FBN2: variants seen among roughly 807,000 people sequenced by gnomAD.
FBN2 encodes fibrillin-2.
FBN2 carries 105 observed loss-of-function variants against 355.6 expected under a neutral mutation model. That is an observed-to-expected ratio of 0.30 (90% CI 0.25 to 0.35). FBN2 has a LOEUF of 0.35. Among genes scored for constraint, FBN2 ranks in the 10% least tolerant of loss-of-function variants. The pLI is 1.00. For missense variants in FBN2, 3,280 were observed against 3,758.7 expected (o/e 0.87, Z 3.33); for synonymous variants, 1,350 against 1,301.2 (o/e 1.04, Z -0.81).
At chr5:128,339,491 C>T (rs772281147) in intron 25 of FBN2, among the ~76,000 whole-genome samples, 11 of 152,130 alleles carry the variant, frequency 7.2e-5, no homozygotes, top group Non-Finnish European at 1.5e-4. Context: ...GGGAGGATTG[C>T]TTGAGCCCAA....
intron 61 of FBN2, 128 bp from the exon 62 acceptor site, chr5:128,272,246 G>C: frequency 1.9e-6 from 2 of 1,058,786 alleles, no homozygotes; most frequent in Non-Finnish European, 2.8e-6. Flanking sequence ...GACACATAGA[G>C]AGGCTGTCAT....
At chr5:128,384,194 T>C (rs1338131388) in intron 11 of FBN2, among the ~76,000 whole-genome samples, 2 of 152,104 alleles carry the variant, frequency 1.3e-5, no homozygotes, top group Non-Finnish European at 2.9e-5. Context: ...AAGTCATATA[T>C]GTAACAGTAT....
chr5:128,444,897 C>T (rs1284611385), intron 7 of FBN2, among the ~76,000 whole-genome samples: 2 of 152,160 alleles, frequency 1.3e-5, no homozygotes, highest in East Asian at 1.9e-4. Flanking sequence ...TTCCCAAGTA[C>T]ATCTAGTTTA....
intron 32 of FBN2, among the ~76,000 whole-genome samples, chr5:128,332,363 T>C (rs1003834310): frequency 2.0e-5 from 3 of 152,170 alleles, no homozygotes; most frequent in Non-Finnish European, 4.4e-5. Flanking sequence ...CCCTTCCCTC[T>C]CAGATATAAA....
intron 49 of FBN2, 59 bp from the exon 50 acceptor site, chr5:128,290,943 C>T (rs989128009): frequency 2.0e-6 from 3 of 1,515,824 alleles, no homozygotes; most frequent in African/African-American, 2.7e-5. Context: ...TTGGACAGAA[C>T]ATTTCTCATT....
At position 128,447,699 on chromosome 5, in the gene FBN2, G is replaced by A. The variant is rs538058991; in HGVS notation, c.827-1093C>T. ...GATCTCTGTGACCCACAGCCTATTC[G>A]TACACTCTCTCCCCTTTGAAAATCA... On this transcript the variant is annotated intron_variant, in intron 6 of 64. Coordinates refer to ENST00000262464, the MANE Select transcript of FBN2 (RefSeq NM_001999.4). Among the ~76,000 whole-genome samples, 104 of 152,196 alleles carry A rather than the reference G, an allele frequency of 6.8e-4. No homozygotes were observed. The South Asian group carries it at 0.02, about 29-fold the overall frequency.
In FBN2 at chr5:128,419,855, C is replaced by A. The variant is rs148682184; in HGVS notation, c.953-11056G>T. Among the ~76,000 whole-genome samples the A allele has an allele frequency of 6.5e-3, 989 of 152,164 alleles. 8 individuals are homozygous for A. Among genetic ancestry groups the A allele is most frequent in the African/African-American group, 0.022 (930 of 41,518 alleles). ...GGATTACAGGCATGCGCCACCATGCCTGGCTAATTTTGTATTTTTAGTAGA... is the reference window on the plus strand; with the variant it reads ...GGATTACAGGCATGCGCCACCATGCATGGCTAATTTTGTATTTTTAGTAGA... On this transcript the variant is annotated intron_variant, in intron 7 of 64. Coordinates refer to ENST00000262464, the MANE Select transcript of FBN2 (RefSeq NM_001999.4).
intron 4 of FBN2, among the ~76,000 whole-genome samples, chr5:128,526,916 A>T (rs1006430409): frequency 6.6e-6 from 1 of 152,146 alleles, no homozygotes; most frequent in African/African-American, 2.4e-5. Flanking sequence ...ATTTAAAAAA[A>T]TTTTTCATTG....
At chr5:128,291,194 A>T (rs574553148) in intron 49 of FBN2, among the ~76,000 whole-genome samples, 4 of 152,320 alleles carry the variant, frequency 2.6e-5, no homozygotes, top group South Asian at 2.1e-4. Flanking sequence ...CAATCAAGGT[A>T]ACTTTCAGTA....
rs778150660 is a variant in FBN2, at chr5:128,531,722, GTA to G, written c.338-1031_338-1030del. 2.6e-3 allele frequency among the ~76,000 whole-genome samples: 304 copies of G among 116,598 alleles called. 2 individuals carry two copies. The highest frequency in any genetic ancestry group is 7.0e-3 in the African/African-American group (204 of 29,308). 76.5% of individuals were successfully genotyped at this position (116,598 alleles called of 152,430 possible). ...TATAAGTGTATATATATGTATGTGT[GTA>G]TATATATATATATATATACACACAC... On this transcript the variant is annotated intron_variant, in intron 2 of 64. Transcript: ENST00000262464.
At position 128,438,290 on chromosome 5, in the gene FBN2, G is replaced by A. The variant is rs12054942; in HGVS notation, c.952+8191C>T. ...TTACATGTGTGTGCCGCCGTGCCCG[G>A]CTACATTCACCCATTTAAGTCTTGT... On this transcript the variant is annotated intron_variant, in intron 7 of 64. Transcript: ENST00000262464. Among the ~76,000 whole-genome samples, 2,011 of 152,314 alleles carry A rather than the reference G, an allele frequency of 0.013. 83 individuals are homozygous for A. In the East Asian group the frequency reaches 0.16, roughly 12 times the overall value.
At chr5:128,440,915 G>C (rs1753901002) in intron 7 of FBN2, among the ~76,000 whole-genome samples, 3 of 152,144 alleles carry the variant, frequency 2.0e-5, no homozygotes, top group South Asian at 4.1e-4. Context: ...CTTCTTAAAA[G>C]GCTCCATGGA....
At chr5:128,378,926 T>C (rs1465085659) in intron 11 of FBN2, 36 bp from the exon 12 acceptor site, 1 of 1,611,660 alleles carries the variant, frequency 6.2e-7, no homozygotes, top group South Asian at 1.1e-5. Context: ...TAGACTTCAC[T>C]CCATTTGTAG....
intron 7 of FBN2, among the ~76,000 whole-genome samples, chr5:128,442,677 G>GT (rs1338334080): frequency 6.6e-6 from 1 of 152,204 alleles, no homozygotes; most frequent in Non-Finnish European, 1.5e-5. Flanking sequence ...ATCATGAGAG[G>GT]TTTTTTTGAG....
At chr5:128,404,926 C>T (rs1752887292) in intron 8 of FBN2, among the ~76,000 whole-genome samples, 1 of 152,192 alleles carries the variant, frequency 6.6e-6, no homozygotes, top group Non-Finnish European at 1.5e-5. Flanking sequence ...AATTCCAGCA[C>T]TTTGGGAGGT....
chr5:128,536,364 T>C (rs369072436), intron 2 of FBN2, 38 bp downstream of exon 2: 38 of 1,544,158 alleles, frequency 2.5e-5, no homozygotes, highest in East Asian at 1.1e-4. Context: ...TAGGGCCGAG[T>C]GCGCTGCCCC....
At position 128,258,362 on chromosome 5, in the gene FBN2, T is replaced by C. The variant is rs1764871360; in HGVS notation, c.*1093A>G. 2.0e-5 allele frequency: 3 copies of C among 152,400 alleles called. No homozygotes were observed. Among genetic ancestry groups the C allele is most frequent in the South Asian group, 4.1e-4 (2 of 4,820 alleles). 9.4% of individuals were successfully genotyped at this position (152,400 alleles called of 1,614,324 possible). On this transcript the variant is annotated 3_prime_UTR_variant, in exon 65 of 65. Transcript: ENST00000262464. ...ATATGGTGTATAACTACAGTATTAA[T>C]GAAAATTCTAAAAAAAAAATGGGTT...
chr5:128,513,860 T>C (rs1756199333), intron 5 of FBN2, among the ~76,000 whole-genome samples: 1 of 152,130 alleles, frequency 6.6e-6, no homozygotes, highest in Non-Finnish European at 1.5e-5. Context: ...TCTTTCCCTC[T>C]GTTCTTAATG....
intron 6 of FBN2, among the ~76,000 whole-genome samples, chr5:128,461,892 C>T (rs757436053): frequency 1.3e-5 from 2 of 151,886 alleles, no homozygotes; most frequent in African/African-American, 2.4e-5. Context: ...TCAATAGGTG[C>T]GGCAAACCAC....
Sources: allele counts gnomAD v4.1 joint callset (sites outside exome capture counted in the v4.1 genomes callset), GRCh38; gene constraint gnomAD v4.1.1; transcripts MANE v1.5; gene names NCBI Gene and HGNC (gene_info 2026-07-23, HGNC 2026-07-21).